The following STXBP5L variants were observed in gnomAD, a reference collection of about 807,000 sequenced individuals.
STXBP5L encodes the protein syntaxin-binding protein 5-like.
A neutral mutation model predicts 144.5 loss-of-function variants in STXBP5L; 65 were observed. The ratio of observed to expected loss-of-function variants is 0.45; its 90% CI spans 0.37 to 0.55. STXBP5L has a LOEUF of 0.55. Ranked by LOEUF, STXBP5L falls within the 20% of genes least tolerant of loss-of-function variation. The pLI, the probability that STXBP5L is intolerant of heterozygous loss-of-function variation, is 0.00. For synonymous variants in STXBP5L, 505 were observed against 469.6 expected, an observed-to-expected ratio of 1.08 and a Z score of -0.97; for missense variants, 1,298 against 1,405.5, an observed-to-expected ratio of 0.92 and a Z score of 1.22.
At chr3:121,369,519 T>C (rs963671366) in intron 20 of STXBP5L, among the ~76,000 whole-genome samples, 3 of 152,154 alleles carry the variant, frequency 2.0e-5, no homozygotes, top group African/African-American at 7.2e-5. Context: ...TCTTTGGGGT[T>C]GGCCACTGGA....
At chr3:121,291,287 A>G (rs1342185950) in intron 19 of STXBP5L, among the ~76,000 whole-genome samples, 2 of 152,132 alleles carry the variant, frequency 1.3e-5, no homozygotes, top group Non-Finnish European at 2.9e-5. Flanking sequence ...TTAAGAACTC[A>G]ACCCCTTTTA....
intron 5 of STXBP5L, among the ~76,000 whole-genome samples, chr3:121,054,344 A>G (rs1948282196): frequency 6.6e-6 from 1 of 152,160 alleles, no homozygotes; most frequent in Non-Finnish European, 1.5e-5. Flanking sequence ...ACCAACCCAA[A>G]TGTCCAACAA....
intron 12 of STXBP5L, 26 bp from the exon 13 acceptor site, chr3:121,238,945 A>G: frequency 6.6e-7 from 1 of 1,511,748 alleles, no homozygotes; most frequent in South Asian, 1.3e-5. Context: ...GTAAAATAAC[A>G]CTGATATATT....
intron 3 of STXBP5L, among the ~76,000 whole-genome samples, chr3:121,036,519 T>C (rs1200545512): frequency 1.3e-5 from 2 of 152,272 alleles, no homozygotes; most frequent in African/African-American, 2.4e-5. Flanking sequence ...TCTAGCATGA[T>C]AGTAAATAGA....
At chr3:121,389,841 G>A (rs1456890158) in intron 22 of STXBP5L, among the ~76,000 whole-genome samples, 1 of 152,180 alleles carries the variant, frequency 6.6e-6, no homozygotes, top group Admixed American at 6.5e-5. Flanking sequence ...TTGATGTGGT[G>A]CTGAGAAGAA....
intron 7 of STXBP5L, among the ~76,000 whole-genome samples, chr3:121,131,622 C>T (rs961564197): frequency 6.6e-6 from 1 of 152,050 alleles, no homozygotes; most frequent in Non-Finnish European, 1.5e-5. Context: ...AACCCCTGTT[C>T]TGAGTATAGT....
chr3:121,274,107 T>C (rs1239634471), intron 18 of STXBP5L, among the ~76,000 whole-genome samples: 1 of 152,202 alleles, frequency 6.6e-6, no homozygotes, highest in African/African-American at 2.4e-5. Flanking sequence ...AGCTATTGTG[T>C]TCCTTTGCCA....
intron 19 of STXBP5L, among the ~76,000 whole-genome samples, chr3:121,306,986 C>G (rs1045000835): frequency 6.6e-6 from 1 of 152,092 alleles, no homozygotes; most frequent in Non-Finnish European, 1.5e-5. Flanking sequence ...GACAGGTTAA[C>G]AGAGAGATGA....
At chr3:121,174,333 A>G (rs2046847678) in intron 9 of STXBP5L, among the ~76,000 whole-genome samples, 1 of 152,112 alleles carries the variant, frequency 6.6e-6, no homozygotes, top group Non-Finnish European at 1.5e-5. Context: ...TATATTTTCT[A>G]CATATTCATG....
chr3:121,135,786 G>T (rs1281868605), intron 7 of STXBP5L, among the ~76,000 whole-genome samples: 1 of 152,120 alleles, frequency 6.6e-6, no homozygotes, highest in Non-Finnish European at 1.5e-5. Context: ...CCAGGGTTTG[G>T]GGAACTCCTG....
chr3:121,212,804 C>A (rs1419252945), intron 10 of STXBP5L, among the ~76,000 whole-genome samples: 3 of 152,118 alleles, frequency 2.0e-5, no homozygotes, highest in Non-Finnish European at 1.5e-5. Context: ...GTATTTTGAG[C>A]AGTGTGGCCA....
intron 7 of STXBP5L, among the ~76,000 whole-genome samples, chr3:121,134,088 A>G (rs77260954): frequency 1.3e-5 from 2 of 152,200 alleles, no homozygotes; most frequent in African/African-American, 4.8e-5. Context: ...TGAGAAATTC[A>G]TAAAGAAAAG....
intron 5 of STXBP5L, among the ~76,000 whole-genome samples, chr3:121,057,388 T>C (rs1209706936): frequency 6.6e-6 from 1 of 152,070 alleles, no homozygotes; most frequent in Non-Finnish European, 1.5e-5. Context: ...ACTGTTTAAA[T>C]CTTAAGTGTA....
chr3:121,039,919 T>A (rs941176634), intron 3 of STXBP5L, among the ~76,000 whole-genome samples: 54 of 152,040 alleles, frequency 3.6e-4, no homozygotes, highest in South Asian at 2.1e-3. Context: ...TGAATTTTTT[T>A]AAAAAAATCT....
intron 7 of STXBP5L, among the ~76,000 whole-genome samples, chr3:121,130,019 A>T (rs959909396): frequency 1.3e-5 from 2 of 152,116 alleles, no homozygotes; most frequent in African/African-American, 2.4e-5. Context: ...ATAGTTTATA[A>T]TGTCCTTGAA....
At chr3:120,945,354 T>G (rs1337203274) in intron 2 of STXBP5L, among the ~76,000 whole-genome samples, 1 of 151,852 alleles carries the variant, frequency 6.6e-6, no homozygotes, top group African/African-American at 2.4e-5. Context: ...ATTGGAATAT[T>G]CTATTCCCTG....
At chr3:120,978,053 G>T (rs1390539404) in intron 3 of STXBP5L, among the ~76,000 whole-genome samples, 1 of 152,122 alleles carries the variant, frequency 6.6e-6, no homozygotes, top group Admixed American at 6.5e-5. Context: ...GAGGATCTTT[G>T]TGGCATTCTC....
At chr3:121,189,160 A>G (rs547798276) in intron 9 of STXBP5L, among the ~76,000 whole-genome samples, 71 of 152,110 alleles carry the variant, frequency 4.7e-4, no homozygotes, top group Non-Finnish European at 8.7e-4. Flanking sequence ...ATTTTCTCCC[A>G]TTCTTTAAGT....
chr3:120,976,742 G>T (rs1236419638), intron 3 of STXBP5L, among the ~76,000 whole-genome samples: 1 of 152,122 alleles, frequency 6.6e-6, no homozygotes, highest in Admixed American at 6.5e-5. Context: ...CTGGTATGTT[G>T]TGTCTTTGTT....
Sources: gnomAD v4.1 joint callset for allele counts (sites outside exome capture counted in the v4.1 genomes callset) on GRCh38, gnomAD v4.1.1 for gene constraint, MANE v1.5 for transcripts, NCBI Gene and HGNC (gene_info 2026-07-23, HGNC 2026-07-21) for gene names.